Variants in FRMD4A observed in about 807,000 individuals in gnomAD.
FRMD4A encodes FERM domain containing 4A, also known as FERM domain-containing protein 4A.
A neutral mutation model predicts 129.1 loss-of-function variants in FRMD4A; 29 were observed. The observed-to-expected ratio is 0.22, with a 90% confidence interval of 0.17 to 0.31. FRMD4A has a LOEUF of 0.31. Among genes scored for constraint, FRMD4A ranks in the 10% least tolerant of loss-of-function variants. The pLI is 1.00. For missense variants in FRMD4A, 1,272 were observed against 1,375.8 expected, an observed-to-expected ratio of 0.92 and a Z score of 1.19; for synonymous variants, 634 against 571.6, an observed-to-expected ratio of 1.11 and a Z score of -1.56.
chr10:13,906,247 C>T (rs1198832111), intron 2 of FRMD4A, among the ~76,000 whole-genome samples: 3 of 152,162 alleles, frequency 2.0e-5, no homozygotes, highest in African/African-American at 7.2e-5. Flanking sequence ...TCCAGAAGGG[C>T]CTTTTTTTAT....
chr10:13,690,335 A>C (rs1306934020), intron 15 of FRMD4A, among the ~76,000 whole-genome samples: 1 of 152,248 alleles, frequency 6.6e-6, no homozygotes, highest in Non-Finnish European at 1.5e-5. Flanking sequence ...AGCCCCTTCC[A>C]GATGGCGCTG....
At chr10:13,737,716 T>G (rs1202462079) in intron 12 of FRMD4A, 128 bp downstream of exon 12, 1 of 623,138 alleles carries the variant, frequency 1.6e-6, no homozygotes, top group Non-Finnish European at 2.9e-6. Flanking sequence ...GTAATTTGTA[T>G]ACACTAAAAT....
intron 2 of FRMD4A, among the ~76,000 whole-genome samples, chr10:14,235,849 A>G (rs1843794367): frequency 7.2e-6 from 1 of 139,436 alleles, no homozygotes. Context: ...TGCTGTATAG[A>G]ATTAAGCACA....
At chr10:13,699,638 G>A (rs1455262231) in intron 14 of FRMD4A, among the ~76,000 whole-genome samples, 4 of 152,090 alleles carry the variant, frequency 2.6e-5, no homozygotes, top group African/African-American at 9.7e-5. Context: ...AGTGCGTGGG[G>A]GGTCTGCCGT....
chr10:14,169,603 G>T (rs1223503598), intron 2 of FRMD4A, among the ~76,000 whole-genome samples: 5 of 152,016 alleles, frequency 3.3e-5, no homozygotes, highest in African/African-American at 4.8e-5. Context: ...TTGGTTTCTT[G>T]TCTCCTCCTG....
rs541877953 is a variant in FRMD4A, at chr10:14,028,617, A to G, written c.46-169705T>C. Among the ~76,000 whole-genome samples the G allele has an allele frequency of 7.9e-5, 12 of 152,348 alleles. No individual in the cohort carries two copies. The South Asian group carries it at 2.5e-3, about 32-fold the overall frequency. On this transcript the variant is annotated intron_variant, in intron 2 of 24. Transcript: ENST00000357447. ...AATTCATAAGGAAAGGGACTAACAA[A>G]ACTTGCTTTTCAAAGGATAAATGCT...
intron 2 of FRMD4A, among the ~76,000 whole-genome samples, chr10:13,938,963 C>T (rs967408264): frequency 2.0e-5 from 3 of 152,308 alleles, no homozygotes; most frequent in Admixed American, 1.3e-4. Flanking sequence ...CTACCAGCAT[C>T]GGTTGATAGA....
intron 17 of FRMD4A, chr10:13,667,821 T>G (rs1365754435): frequency 6.6e-6 from 1 of 152,216 alleles, no homozygotes; most frequent in Non-Finnish European, 1.5e-5. Flanking sequence ...GGTAGAATAT[T>G]TGCCTAACCC....
At chr10:13,838,509 T>G (rs1483227306) in intron 3 of FRMD4A, among the ~76,000 whole-genome samples, 1 of 151,854 alleles carries the variant, frequency 6.6e-6, no homozygotes, top group African/African-American at 2.4e-5. Context: ...CCTTTTTTTT[T>G]TGAGATTGAG....
chr10:13,888,923 C>A (rs2094659820), intron 2 of FRMD4A, among the ~76,000 whole-genome samples: 1 of 152,184 alleles, frequency 6.6e-6, no homozygotes, highest in African/African-American at 2.4e-5. Flanking sequence ...TATCTAAGAA[C>A]AAAGCTTTAG....
chr10:13,963,952 C>G (rs1395100855), intron 2 of FRMD4A, among the ~76,000 whole-genome samples: 1 of 152,122 alleles, frequency 6.6e-6, no homozygotes, highest in Non-Finnish European at 1.5e-5. Context: ...TCCATATTTC[C>G]TTTCTAGAAG....
At chr10:13,746,356 G>A (rs770911395) in intron 9 of FRMD4A, among the ~76,000 whole-genome samples, 7 of 152,092 alleles carry the variant, frequency 4.6e-5, no homozygotes, top group Non-Finnish European at 8.8e-5. Flanking sequence ...GACACCAGGC[G>A]CGCGACATCA....
At chr10:13,852,943 A>G (rs1488078207) in intron 3 of FRMD4A, among the ~76,000 whole-genome samples, 3 of 152,120 alleles carry the variant, frequency 2.0e-5, no homozygotes, top group Non-Finnish European at 2.9e-5. Flanking sequence ...GCAATAATCT[A>G]ACTGTTATCT....
chr10:14,081,011 C>T (rs1027528375), intron 2 of FRMD4A, among the ~76,000 whole-genome samples: 2 of 152,072 alleles, frequency 1.3e-5, no homozygotes, highest in African/African-American at 2.4e-5. Context: ...AACTAAATCA[C>T]AGCTCTTTAC....
chr10:13,989,934 C>G (rs1025721094), intron 2 of FRMD4A, among the ~76,000 whole-genome samples: 5 of 152,158 alleles, frequency 3.3e-5, no homozygotes, highest in Non-Finnish European at 7.4e-5. Flanking sequence ...GCAACCAGAC[C>G]TAGAGTTCCT....
chr10:14,243,070 AT>A, intron 2 of FRMD4A, among the ~76,000 whole-genome samples: 1 of 6,308 alleles, frequency 1.6e-4, no homozygotes, highest in Non-Finnish European at 7.4e-4. Flanking sequence ...CCATTCATCC[AT>A]CCATCCATAC....
chr10:14,184,298 A>ATTTTTTTTTTTTTTTTTTTTTTTTTTT (rs60196881), intron 2 of FRMD4A, among the ~76,000 whole-genome samples: 2 of 104,898 alleles, frequency 1.9e-5, no homozygotes, highest in Non-Finnish European at 3.9e-5. Context: ...CAACCGGTTA[A>ATTTTTTTTTTTTTTTTTTTTTTTTTTT]TTTTTTTTTT....
chr10:14,118,494 T>A (rs1228922966), intron 2 of FRMD4A, among the ~76,000 whole-genome samples: 1 of 152,194 alleles, frequency 6.6e-6, no homozygotes, highest in Non-Finnish European at 1.5e-5. Context: ...CATTCAGTGG[T>A]GGGACTTTGG....
At chr10:13,959,734 G>A (rs1052580885) in intron 2 of FRMD4A, among the ~76,000 whole-genome samples, 3 of 152,174 alleles carry the variant, frequency 2.0e-5, no homozygotes, top group Non-Finnish European at 2.9e-5. Flanking sequence ...CTACCCGGGA[G>A]CACTGTGAGA....
Sources: allele counts gnomAD v4.1 joint callset (sites outside exome capture counted in the v4.1 genomes callset), GRCh38; gene constraint gnomAD v4.1.1; transcripts MANE v1.5; gene names NCBI Gene and HGNC (gene_info 2026-07-23, HGNC 2026-07-21).